Variants in CEP97 observed in about 807,000 individuals in gnomAD.
CEP97 encodes centrosomal protein of 97 kDa.
A neutral mutation model predicts 73.1 loss-of-function variants in CEP97; 43 were observed. The ratio of observed to expected loss-of-function variants is 0.59; its 90% CI spans 0.46 to 0.76. CEP97 has a LOEUF of 0.76. Ranked by LOEUF, CEP97 falls within the 30% of genes least tolerant of loss-of-function variation. CEP97 has a pLI of 0.00. For synonymous variants in CEP97, 337 were observed against 370.0 expected (o/e 0.91, Z 1.02); for missense variants, 939 against 1,014.0 (o/e 0.93, Z 1.00).
chr3:101,747,136 C>G lies in CEP97; in HGVS notation c.729-8294C>G, dbSNP rs538289015. On this transcript the variant is annotated intron_variant, in intron 6 of 10. Coordinates refer to ENST00000341893, the MANE Select transcript of CEP97 (RefSeq NM_024548.4). ...GTCAGTGTGGCGATTCCTCAGGAAT[C>G]TAGAACTAGAAATAACATTTGACCC... 5.0e-3 allele frequency among the ~76,000 whole-genome samples: 753 copies of G among 150,630 alleles called. 8 individuals carry two copies. The highest frequency in any genetic ancestry group is 0.018 in the African/African-American group (733 of 40,930).
chr3:101,726,777 T>C (rs763006369), intron 2 of CEP97, 41 bp downstream of exon 2: 1 of 1,421,548 alleles, frequency 7.0e-7, no homozygotes, highest in Non-Finnish European at 9.6e-7. Context: ...TAGGATCAAT[T>C]TATTATTAAA....
intron 6 of CEP97, among the ~76,000 whole-genome samples, chr3:101,750,540 C>A (rs1243962966): frequency 6.6e-6 from 1 of 152,128 alleles, no homozygotes; most frequent in Non-Finnish European, 1.5e-5. Context: ...TCCATCTGGT[C>A]CTGGACTCTT....
chr3:101,762,503 TGAA>T lies in CEP97; in HGVS notation c.1840_1842del (p.Glu614del), dbSNP rs1265255884. On this transcript the variant is annotated inframe_deletion, in exon 10 of 11. Transcript: ENST00000341893. ...ATTGTAGATTACGAAAAGAAAGAGA[TGAA>T]GAACGTATTAAAAAATTTGTACAAG... 1.9e-6 allele frequency: 3 copies of T among 1,609,552 alleles called. No homozygotes were observed. The highest frequency in any genetic ancestry group is 1.7e-6 in the Non-Finnish European group (2 of 1,177,228).
chr3:101,762,528 C>G lies in CEP97; in HGVS notation c.1861C>G (p.Gln621Glu). ...TGAAGAACGTATTAAAAAATTTGTA[C>G]AAGAAGAAGCTTTCAGATTCCTTTG... ...RDEERIKKFV[Q>E]EEAFRFLWNQ... Residue 621 changes from glutamine to glutamate, a missense_variant, in exon 10 of 11, where the codon CAA becomes GAA. By Grantham distance (29) the Gln-to-Glu change is conservative (BLOSUM62 2). Coordinates refer to ENST00000341893, the MANE Select transcript of CEP97 (RefSeq NM_024548.4). 6.2e-7 allele frequency: 1 copy of G among 1,611,006 alleles called. No homozygotes were observed. Among genetic ancestry groups the G allele is most frequent in the Non-Finnish European group, 8.5e-7 (1 of 1,178,494 alleles).
At chr3:101,764,802 C>T (rs1010975978) in intron 10 of CEP97, 45 bp from the exon 11 acceptor site, 4 of 1,511,852 alleles carry the variant, frequency 2.6e-6, no homozygotes, top group African/African-American at 2.8e-5. Context: ...CAAACAAAAA[C>T]AACACTTTTT....
intron 6 of CEP97, among the ~76,000 whole-genome samples, chr3:101,749,013 C>CT (rs1283315750): frequency 1.3e-5 from 2 of 152,078 alleles, no homozygotes; most frequent in African/African-American, 4.8e-5. Context: ...TGTTATTATA[C>CT]TTTAAGTTTT....
intron 6 of CEP97, among the ~76,000 whole-genome samples, chr3:101,738,401 A>G (rs771897023): frequency 1.2e-4 from 18 of 152,244 alleles, no homozygotes; most frequent in Admixed American, 2.0e-4. Context: ...CATTCTTTTC[A>G]ACACCACATC....
At position 101,768,349 on chromosome 3, in the gene CEP97, A is replaced by C. The variant is rs556645323; in HGVS notation, c.*2798A>C. 2 of 152,352 alleles carry C rather than the reference A, an allele frequency of 1.3e-5. No individual in the cohort carries two copies. The highest frequency in any genetic ancestry group is 2.1e-4 in the South Asian group (1 of 4,834). 9.4% of individuals were successfully genotyped at this position (152,352 alleles called of 1,614,324 possible). A position where few individuals can be genotyped will look rare whatever the true frequency, so the allele number is the denominator to read the frequency against. On this transcript the variant is annotated 3_prime_UTR_variant, in exon 11 of 11. Transcript: ENST00000341893. ...TCTTAATCTTTACATTTAGTGAGTC[A>C]GTAAGGAAATCTCTGCATATTTCTC...
intron 6 of CEP97, among the ~76,000 whole-genome samples, chr3:101,739,662 C>G (rs1486538775): frequency 1.3e-5 from 2 of 152,136 alleles, no homozygotes; most frequent in Admixed American, 1.3e-4. Context: ...AATCCCAGCA[C>G]TTTGGGAGGC....
chr3:101,726,880 A>G, intron 2 of CEP97, 144 bp downstream of exon 2: 1 of 565,692 alleles, frequency 1.8e-6, no homozygotes, highest in Non-Finnish European at 3.1e-6. Flanking sequence ...TTTCTTCTGA[A>G]GATGAACATA....
At chr3:101,746,940 A>G (rs1419742021) in intron 6 of CEP97, among the ~76,000 whole-genome samples, 2 of 149,224 alleles carry the variant, frequency 1.3e-5, no homozygotes, top group Non-Finnish European at 3.0e-5. Flanking sequence ...GCTCACCATC[A>G]CTGGCCATCA....
At position 101,743,546 on chromosome 3, in the gene CEP97, C is replaced by T. The variant is rs1008794082; in HGVS notation, c.728+10892C>T. The stretch of plus-strand genomic sequence containing the variant: ...AAGTAGCTGGGACTATAGGCACACA[C>T]CACTGTGCCCAGCTCATTTTTAAAT... On this transcript the variant is annotated intron_variant, in intron 6 of 10. Transcript: ENST00000341893. Among the ~76,000 whole-genome samples, 3 of 152,146 alleles carry T rather than the reference C, an allele frequency of 2.0e-5. No homozygotes were observed. The South Asian group carries it at 6.2e-4, about 32-fold the overall frequency.
chr3:101,764,875 C>T lies in CEP97; in HGVS notation c.1922C>T (p.Thr641Ile). The T allele has an allele frequency of 6.2e-7, 1 of 1,612,126 alleles. No homozygotes were observed. Among genetic ancestry groups the T allele is most frequent in the Non-Finnish European group, 8.5e-7 (1 of 1,179,182 alleles). The change falls in exon 11 of 11, where the codon ACA becomes ATA. Residue 641 changes from threonine to isoleucine, a missense_variant. Thr to Ile is a moderately conservative substitution (Grantham distance 89). Transcript: ENST00000341893. ...AGGTCTCTACAGGTTTGGCAACAGA[C>T]AGTGGACCAGCGTCTAAGTTCCTGG... ...QVRSLQVWQQ[T>I]VDQRLSSWHT... is the part of the protein sequence containing the mutation.
At chr3:101,753,863 G>A in intron 6 of CEP97, among the ~76,000 whole-genome samples, 1 of 152,148 alleles carries the variant, frequency 6.6e-6, no homozygotes, top group Middle Eastern at 3.2e-3. Context: ...TCCTGAGTGA[G>A]GCAATGCCTC....
In CEP97 at chr3:101,770,503, G is replaced by T. The variant is rs113081346; in HGVS notation, c.*4952G>T. ...TTATGAAGGCTTACTATTTTATATT[G>T]TACTTATTTAATTTGTATTTGAGTC... On this transcript the variant is annotated 3_prime_UTR_variant, in exon 11 of 11. Transcript: ENST00000341893. 2.4e-4 allele frequency: 36 copies of T among 152,134 alleles called. No homozygotes were observed. The highest frequency in any genetic ancestry group is 3.7e-4 in the Non-Finnish European group (25 of 67,978). 9.4% of individuals were successfully genotyped at this position (152,134 alleles called of 1,614,324 possible).
intron 10 of CEP97, 85 bp from the exon 11 acceptor site, chr3:101,764,762 G>A: frequency 1.6e-6 from 2 of 1,228,232 alleles, no homozygotes; most frequent in Non-Finnish European, 2.2e-6. Context: ...CAGCCTGGGT[G>A]ACAGAGCGAG....
chr3:101,738,011 CAAAAAAA>C (rs770745532), intron 6 of CEP97, among the ~76,000 whole-genome samples: 9 of 44,222 alleles, frequency 2.0e-4, no homozygotes, highest in African/African-American at 3.0e-4. Context: ...AAATGGAAAG[CAAAAAAA>C]AAAAAAAAAA....
chr3:101,742,333 T>C (rs13096323), intron 6 of CEP97, among the ~76,000 whole-genome samples: 55,559 of 151,852 alleles, frequency 0.37, 10,658 homozygotes, highest in African/African-American at 0.46. Flanking sequence ...TTGGAACCAA[T>C]CCAAATGCCC....
chr3:101,744,420 C>T (rs191023796), intron 6 of CEP97, among the ~76,000 whole-genome samples: 3 of 152,076 alleles, frequency 2.0e-5, no homozygotes, highest in Admixed American at 2.0e-4. Context: ...CCCGTCTCTA[C>T]TAAAAATACA....
Sources: gnomAD v4.1 joint callset for allele counts (sites outside exome capture counted in the v4.1 genomes callset) on GRCh38, gnomAD v4.1.1 for gene constraint, MANE v1.5 for transcripts, NCBI Gene and HGNC (gene_info 2026-07-23, HGNC 2026-07-21) for gene names.